Variants in ZNF181 observed in about 807,000 individuals in gnomAD.
The protein encoded by ZNF181 is zinc finger protein 181 (HHZ181).
A neutral mutation model predicts 11.9 loss-of-function variants in ZNF181; 8 were observed. The ratio of observed to expected loss-of-function variants is 0.67; its 90% CI spans 0.39 to 1.21. The LOEUF (loss-of-function observed/expected upper bound fraction) is 1.21. ZNF181 is among the 50% of genes most tolerant of loss of function. The pLI, the probability that ZNF181 is intolerant of heterozygous loss-of-function variation, is 0.01. For synonymous variants in ZNF181, 202 were observed against 221.1 expected, an observed-to-expected ratio of 0.91 and a Z score of 0.77; for missense variants, 542 against 670.9, an observed-to-expected ratio of 0.81 and a Z score of 2.12.
chr19:34,741,595 A>G lies in ZNF181; in HGVS notation c.1214A>G (p.Tyr405Cys), dbSNP rs944502923. The change falls in exon 4 of 4, where the codon TAT (tyrosine) becomes TGT (cysteine). Residue 405 changes from tyrosine to cysteine, a missense_variant. Transcript: ENST00000492450. ...HQRIHTMEKQ[Y>C]ECNKCLKVFS... ...AGAATTCACACTATGGAGAAACAAT[A>G]TGAATGCAACAAATGTCTGAAAGTC... is the stretch of plus-strand genomic sequence containing the variant. 1 of 1,613,894 alleles carries G rather than the reference A, an allele frequency of 6.2e-7. No homozygotes were observed. The highest frequency in any genetic ancestry group is 8.5e-7 in the Non-Finnish European group (1 of 1,179,964).
In ZNF181 at chr19:34,741,490, T is replaced by A. The variant is rs774976070; in HGVS notation, c.1109T>A (p.Ile370Asn). 8 of 1,613,584 alleles carry A rather than the reference T, an allele frequency of 5.0e-6. No individual in the cohort carries two copies. The Admixed American group carries it at 1.3e-4, about 27-fold the overall frequency. ...TCATCTCTCATTCACCATCAGAAAA[T>A]CCATACTGGAGAGAAGCCTTATGAA... The part of the protein sequence containing the change: ...HRSSLIHHQK[I>N]HTGEKPYECR... Residue 370 changes from isoleucine (I) to asparagine (N), a missense_variant, in exon 4 of 4, where the codon ATC (isoleucine) becomes AAC (asparagine). By Grantham distance (149) the Ile-to-Asn change is moderately radical. Transcript: ENST00000492450.
chr19:34,737,695 G>A (rs2068907553), intron 1 of ZNF181, among the ~76,000 whole-genome samples: 1 of 152,150 alleles, frequency 6.6e-6, no homozygotes, highest in African/African-American at 2.4e-5. Context: ...TGGCACCAGG[G>A]ATCGGTTTTG....
Position 34,742,118 on chromosome 19 carries a change from A to G in ZNF181, c.*21A>G, listed in dbSNP as rs755427515. On this transcript the variant is annotated 3_prime_UTR_variant, in exon 4 of 4. Coordinates refer to ENST00000492450, the MANE Select transcript of ZNF181 (RefSeq NM_001029997.4). ...TATGAAGCAGTGGTTATCATGGTAAATTTCCTAGATTCTCCCTTATTTAAC... is the reference window on the plus strand; with the variant it reads ...TATGAAGCAGTGGTTATCATGGTAAGTTTCCTAGATTCTCCCTTATTTAAC... 6.6e-7 allele frequency: 1 copy of G among 1,515,024 alleles called. No individual in the cohort carries two copies. Among genetic ancestry groups the G allele is most frequent in the South Asian group, 1.4e-5 (1 of 71,864 alleles). 93.8% of individuals were successfully genotyped at this position (1,515,024 alleles called of 1,614,324 possible). A position where few individuals can be genotyped will look rare whatever the true frequency, so the allele number is the denominator to read the frequency against.
chr19:34,739,213 G>C lies in ZNF181; in HGVS notation c.75G>C (p.Gln25His). The change falls in exon 2 of 4, where the codon CAG becomes CAC. Residue 25 changes from glutamine to histidine, a missense_variant. Coordinates refer to ENST00000492450, the MANE Select transcript of ZNF181 (RefSeq NM_001029997.4). ...HEEWGWLSSA[Q>H]RDLYKDVMVQ... is the part of the protein sequence containing the mutation. ...AGTGGGGATGGCTCAGTTCTGCTCA[G>C]AGGGACTTATACAAGGATGTGATGG... The C allele has an allele frequency of 6.2e-7, 1 of 1,613,852 alleles. No homozygotes were observed. The highest frequency in any genetic ancestry group is 1.7e-4 in the Middle Eastern group (1 of 6,060).
chr19:34,740,704 T>C lies in ZNF181; in HGVS notation c.323T>C (p.Val108Ala). 1 of 1,613,030 alleles carries C rather than the reference T, an allele frequency of 6.2e-7. No homozygotes were observed. Among genetic ancestry groups the C allele is most frequent in the Non-Finnish European group, 8.5e-7 (1 of 1,179,582 alleles). The change falls in exon 4 of 4, where the codon GTA becomes GCA. Residue 108 changes from valine (V) to alanine (A), a missense_variant. By Grantham distance (64) the Val-to-Ala change is moderately conservative. Coordinates refer to ENST00000492450, the MANE Select transcript of ZNF181 (RefSeq NM_001029997.4). ...SPQTVIIEKV[V>A]KQSYEFSNSK... ...CAAACAGTAATAATAGAAAAAGTTG[T>C]AAAACAAAGTTATGAATTTTCAAAT...
Position 34,741,252 on chromosome 19 carries a change from A to G in ZNF181, c.871A>G (p.Lys291Glu). Reference sequence around the variant, plus strand: ...ACATCTGATAAGCCATAGTGGAGAGAAACCTTACAAATGTATTGAATGTGG... The same window carrying G: ...ACATCTGATAAGCCATAGTGGAGAGGAACCTTACAAATGTATTGAATGTGG... ...TRHLISHSGE[K>E]PYKCIECGKA... is the part of the protein sequence containing the mutation. The change falls in exon 4 of 4, where the codon AAA (lysine) becomes GAA (glutamate). Residue 291 changes from lysine (K) to glutamate (E), a missense_variant. Lys to Glu is a moderately conservative substitution (Grantham distance 56). Transcript: ENST00000492450. 6.2e-7 allele frequency: 1 copy of G among 1,614,002 alleles called. No homozygotes were observed. Among genetic ancestry groups the G allele is most frequent in the Non-Finnish European group, 8.5e-7 (1 of 1,179,888 alleles).
rs910194233 is a variant in ZNF181 at position 34,741,594 on chromosome 19, T to C, written c.1213T>C (p.Tyr405His). Residue 405 changes from tyrosine (Y) to histidine (H), a missense_variant, in exon 4 of 4, where the codon TAT becomes CAT. Physicochemically the swap from Tyr to His is moderately conservative, Grantham distance 83. Transcript: ENST00000492450. ...HQRIHTMEKQ[Y>H]ECNKCLKVFS... ...AAGAATTCACACTATGGAGAAACAA[T>C]ATGAATGCAACAAATGTCTGAAAGT... is the stretch of plus-strand genomic sequence containing the variant. 1 of 1,613,994 alleles carries C rather than the reference T, an allele frequency of 6.2e-7. No homozygotes were observed. Among genetic ancestry groups the C allele is most frequent in the South Asian group, 1.1e-5 (1 of 91,076 alleles).
Position 34,740,952 on chromosome 19 carries a change from A to G in ZNF181, c.571A>G (p.Asn191Asp). Residue 191 changes from asparagine to aspartate, a missense_variant, in exon 4 of 4, where the codon AAC (asparagine) becomes GAC (aspartate). Transcript: ENST00000492450. ...NSHKYDILKK[N>D]LPKKSVIKNE... ...ACACAAATATGATATATTAAAGAAG[A>G]ACTTACCAAAAAAGTCAGTTATAAA... The G allele has an allele frequency of 6.2e-7, 1 of 1,613,814 alleles. No individual in the cohort carries two copies. The highest frequency in any genetic ancestry group is 8.5e-7 in the Non-Finnish European group (1 of 1,179,898).
intron 2 of ZNF181, 60 bp from the exon 3 acceptor site, chr19:34,739,463 T>G: frequency 6.2e-7 from 1 of 1,606,398 alleles, no homozygotes; most frequent in Non-Finnish European, 8.5e-7. Context: ...TGGTCCCTCT[T>G]GTGATGGCCT....
chr19:34,736,931 T>A (rs1250608295), intron 1 of ZNF181, among the ~76,000 whole-genome samples: 1 of 152,228 alleles, frequency 6.6e-6, no homozygotes, highest in Non-Finnish European at 1.5e-5. Context: ...AACCTGTTCA[T>A]CATAAAGCTA....
chr19:34,739,678 T>C (rs1408940641), intron 3 of ZNF181, 57 bp downstream of exon 3: 2 of 1,575,542 alleles, frequency 1.3e-6, no homozygotes, highest in Non-Finnish European at 1.7e-6. Flanking sequence ...CCCAAACTCT[T>C]TATAGTGAGT....
In ZNF181 at chr19:34,740,870, C is replaced by G; in HGVS notation, c.489C>G (p.Thr163=). ...SVYKYNIFRS[T]FHSKSTLSEP... ...ACAAATACAATATATTTAGAAGCAC[C>G]TTTCATTCAAAGTCTACTCTTTCTG... Residue 163 remains threonine, a synonymous_variant, in exon 4 of 4, where the codon ACC becomes ACG. Coordinates refer to ENST00000492450, the MANE Select transcript of ZNF181 (RefSeq NM_001029997.4). 1 of 1,613,940 alleles carries G rather than the reference C, an allele frequency of 6.2e-7. No individual in the cohort carries two copies. The highest frequency in any genetic ancestry group is 2.2e-5 in the East Asian group (1 of 44,878).
intron 1 of ZNF181, among the ~76,000 whole-genome samples, chr19:34,735,848 C>T (rs750706851): frequency 8.5e-5 from 13 of 152,154 alleles, no homozygotes; most frequent in Non-Finnish European, 1.9e-4. Flanking sequence ...TTATCTTCTT[C>T]GTGTGTTTGT....
Position 34,741,287 on chromosome 19 carries a change from T to C in ZNF181, c.906T>C (p.Phe302=). ...AATGTATTGAATGTGGGAAGGCCTT[T>C]AGCCATGTCTCATCACTTACTAACC... ...PYKCIECGKA[F]SHVSSLTNHQ... is the part of the protein sequence containing the mutation. The change falls in exon 4 of 4, where the codon TTT becomes TTC. Residue 302 remains phenylalanine (F), a synonymous_variant. Transcript: ENST00000492450. The C allele has an allele frequency of 6.2e-7, 1 of 1,613,892 alleles. No homozygotes were observed. Among genetic ancestry groups the C allele is most frequent in the Non-Finnish European group, 8.5e-7 (1 of 1,179,826 alleles).
chr19:34,735,919 CCCTCG>C (rs1413743334), intron 1 of ZNF181, among the ~76,000 whole-genome samples: 1 of 152,214 alleles, frequency 6.6e-6, no homozygotes, highest in Admixed American at 6.5e-5. Flanking sequence ...CAGTCACCTT[CCCTCG>C]CCTAGCACTT....
chr19:34,740,532 C>A, intron 3 of ZNF181, 79 bp from the exon 4 acceptor site: 1 of 1,397,842 alleles, frequency 7.2e-7, no homozygotes, highest in South Asian at 1.4e-5. Context: ...ATCCAGTTCT[C>A]CTAATTCCAA....
At chr19:34,735,795 G>C (rs554179170) in intron 1 of ZNF181, among the ~76,000 whole-genome samples, 15 of 152,142 alleles carry the variant, frequency 9.9e-5, no homozygotes, top group African/African-American at 3.6e-4. Context: ...CTGTGCCATC[G>C]ACGTGGAATA....
intron 1 of ZNF181, among the ~76,000 whole-genome samples, chr19:34,737,653 G>A (rs564583285): frequency 6.6e-6 from 1 of 152,120 alleles, no homozygotes; most frequent in South Asian, 2.1e-4. Context: ...TCTTATTTAA[G>A]GACTATCTAA....
chr19:34,735,476 C>T (rs2068874061), intron 1 of ZNF181, among the ~76,000 whole-genome samples: 1 of 152,006 alleles, frequency 6.6e-6, no homozygotes. Context: ...CATTAGTTAC[C>T]CCAGCACTAC....
Sources: gnomAD v4.1 joint callset for allele counts (sites outside exome capture counted in the v4.1 genomes callset) on GRCh38, gnomAD v4.1.1 for gene constraint, MANE v1.5 for transcripts, NCBI Gene and HGNC (gene_info 2026-07-23, HGNC 2026-07-21) for gene names.